The following GNG7 variants were observed in gnomAD, a reference collection of about 807,000 sequenced individuals.
GNG7 encodes guanine nucleotide-binding protein G(I)/G(S)/G(O) subunit gamma-7.
In GNG7, 1 loss-of-function variant was observed where a neutral mutation model predicts 4.0. The observed-to-expected ratio is 0.25, with a 90% CI of 0.09 to 1.18. The LOEUF (loss-of-function observed/expected upper bound fraction) is 1.18. Ranked by LOEUF, GNG7 falls within the 50% of genes most tolerant of loss-of-function variation. The pLI is 0.50. For missense variants in GNG7, 86 were observed against 91.9 expected (o/e 0.94, Z 0.26); for synonymous variants, 34 against 36.9 (o/e 0.92, Z 0.29).
intron 1 of GNG7, among the ~76,000 whole-genome samples, chr19:2,686,315 G>A (rs62121066): frequency 0.19 from 28,592 of 151,694 alleles, 3,715 homozygotes; most frequent in East Asian, 0.59. Context: ...CCGCCACCAC[G>A]CCTGGCTAAT....
rs370524647 is a variant in GNG7 at position 2,548,799 on chromosome 19, C to T, written c.-38+6350G>A. Among the ~76,000 whole-genome samples, 12 of 126,312 alleles carry T rather than the reference C, an allele frequency of 9.5e-5. 1 individual carries two copies. The highest frequency in any genetic ancestry group is 9.1e-4 in the Admixed American group (12 of 13,222). The allele number at this position is 126,312 out of a possible 152,430, so 82.9% of individuals were successfully genotyped here. A position where few individuals can be genotyped will look rare whatever the true frequency, so the allele number is the denominator to read the frequency against. On this transcript the variant is annotated intron_variant, in intron 3 of 4. Transcript: ENST00000382159. ...CGAGACTCTGTCTCAAAAAACAAAA[C>T]ACAACAAAACAAACAAACAAACAGC... is the stretch of plus-strand genomic sequence containing the variant.
At position 2,634,171 on chromosome 19, in the gene GNG7, G is replaced by A. The variant is rs368953867; in HGVS notation, c.-78+12053C>T. Reference sequence around the variant, plus strand: ...GCGTTTATGGTGCCTATCATGAGCAGGAAAATAACTCGAATTTTTTTCCCC... The same window carrying A: ...GCGTTTATGGTGCCTATCATGAGCAAGAAAATAACTCGAATTTTTTTCCCC... On this transcript the variant is annotated intron_variant, in intron 2 of 4. Transcript: ENST00000382159. This position sits in a 1 kb window ranked among gnomAD's most constrained non-coding sequence, Gnocchi z 5.3. Among the ~76,000 whole-genome samples, 1 of 152,152 alleles carries A rather than the reference G, an allele frequency of 6.6e-6. No homozygotes were observed. The highest frequency in any genetic ancestry group is 2.4e-5 in the African/African-American group (1 of 41,422).
intron 1 of GNG7, among the ~76,000 whole-genome samples, chr19:2,675,275 A>G (rs1983566127): frequency 6.6e-6 from 1 of 152,228 alleles, no homozygotes; most frequent in Admixed American, 6.5e-5. Flanking sequence ...ACGACTGGTC[A>G]AACCCTGGAA....
At chr19:2,547,389 G>T (rs1015082877) in intron 3 of GNG7, among the ~76,000 whole-genome samples, 5 of 152,164 alleles carry the variant, frequency 3.3e-5, no homozygotes, top group African/African-American at 1.2e-4. Context: ...GCCTAGAGGT[G>T]CCCGTATCCC....
At chr19:2,622,086 T>TC (rs1459454050) in intron 2 of GNG7, among the ~76,000 whole-genome samples, 3 of 122,816 alleles carry the variant, frequency 2.4e-5, no homozygotes, top group East Asian at 2.0e-4. Context: ...TTTTTTTTTT[T>TC]CTCTCTCTTT....
chr19:2,570,600 G>A (rs955489431), intron 2 of GNG7, among the ~76,000 whole-genome samples: 8 of 152,062 alleles, frequency 5.3e-5, no homozygotes, highest in East Asian at 1.9e-4. Flanking sequence ...CCCTAAGGAC[G>A]CAGCCCCATA....
At chr19:2,599,435 C>A (rs1286173006) in intron 2 of GNG7, among the ~76,000 whole-genome samples, 3 of 152,046 alleles carry the variant, frequency 2.0e-5, no homozygotes, top group African/African-American at 7.2e-5. Context: ...ACCGCCCACC[C>A]GGGTGGGTTT....
rs937798688 is a variant in GNG7 at position 2,546,530 on chromosome 19, C to T, written c.-38+8619G>A. On this transcript the variant is annotated intron_variant, in intron 3 of 4. Coordinates refer to ENST00000382159, the MANE Select transcript of GNG7 (RefSeq NM_052847.3). This position sits in a 1 kb window ranked among gnomAD's most constrained non-coding sequence, Gnocchi z 6.3. ...CCTGTCAGTGTGGGCCCTTTGCTCT[C>T]AGGCTAAATCGGTCCCCGGGGCAGC... Among the ~76,000 whole-genome samples the T allele has an allele frequency of 1.3e-5, 2 of 152,342 alleles. No homozygotes were observed. The highest frequency in any genetic ancestry group is 2.9e-5 in the Non-Finnish European group (2 of 68,034).
In GNG7 at chr19:2,590,031, C is replaced by T. The variant is rs530065762; in HGVS notation, c.-77-34843G>A. Among the ~76,000 whole-genome samples the T allele has an allele frequency of 3.9e-5, 6 of 151,926 alleles. No individual in the cohort carries two copies. In the East Asian group the frequency reaches 5.8e-4, roughly 15 times the overall value. On this transcript the variant is annotated intron_variant, in intron 2 of 4. Transcript: ENST00000382159. ...TTCACCCTGTTGGCCAGGCTGGTCT[C>T]GAACTCCTGACCTCAAGTGATCCAC...
chr19:2,525,636 C>T (rs79088441), intron 3 of GNG7, among the ~76,000 whole-genome samples: 1,554 of 152,216 alleles, frequency 0.01, 29 homozygotes, highest in African/African-American at 0.035. Context: ...CTGGCAGCAC[C>T]GGCAGGGAGG....
At chr19:2,684,292 A>C (rs921489303) in intron 1 of GNG7, among the ~76,000 whole-genome samples, 2 of 151,788 alleles carry the variant, frequency 1.3e-5, no homozygotes, top group Admixed American at 6.6e-5. Context: ...GTCCGCCACC[A>C]CGCCCGGATA....
At chr19:2,623,828 C>A (rs1981942688) in intron 2 of GNG7, among the ~76,000 whole-genome samples, 1 of 152,130 alleles carries the variant, frequency 6.6e-6, no homozygotes, top group African/African-American at 2.4e-5. Context: ...TTGCAGTGAG[C>A]CGAGGTCGCA....
At chr19:2,657,361 A>AAATATATATATAT (rs1555701153) in intron 1 of GNG7, among the ~76,000 whole-genome samples, 1 of 16,340 alleles carries the variant, frequency 6.1e-5, no homozygotes, top group Non-Finnish European at 1.0e-4. Context: ...AAAAAAAAAA[A>AAATATATATATAT]ATATATATAT....
chr19:2,562,587 C>A (rs542835434), intron 2 of GNG7, among the ~76,000 whole-genome samples: 20 of 152,212 alleles, frequency 1.3e-4, no homozygotes, highest in Non-Finnish European at 2.1e-4. Flanking sequence ...TGGGGTGGGG[C>A]CATCCTGGGC....
intron 1 of GNG7, among the ~76,000 whole-genome samples, chr19:2,689,614 C>G (rs759551424): frequency 4.2e-4 from 46 of 110,196 alleles, no homozygotes; most frequent in Non-Finnish European, 6.4e-4. Flanking sequence ...CAGAGTGAGA[C>G]TCCAACTCAA....
intron 2 of GNG7, among the ~76,000 whole-genome samples, chr19:2,605,881 G>T (rs77433196): frequency 0.016 from 2,440 of 152,160 alleles, 82 homozygotes; most frequent in African/African-American, 0.056. Context: ...ATAATCTGCC[G>T]TCTGAAGATC....
At chr19:2,600,735 C>T (rs1376942205) in intron 2 of GNG7, among the ~76,000 whole-genome samples, 1 of 151,942 alleles carries the variant, frequency 6.6e-6, no homozygotes, top group East Asian at 1.9e-4. Flanking sequence ...CTTGACCTCT[C>T]AAAGCGCTGG....
At chr19:2,682,998 C>T (rs567204362) in intron 1 of GNG7, among the ~76,000 whole-genome samples, 49 of 151,940 alleles carry the variant, frequency 3.2e-4, no homozygotes, top group African/African-American at 1.1e-3. Flanking sequence ...TTTGGGAGTC[C>T]GAGGCGGGCA....
chr19:2,568,574 C>T (rs907436909), intron 2 of GNG7, among the ~76,000 whole-genome samples: 6 of 147,050 alleles, frequency 4.1e-5, no homozygotes, highest in African/African-American at 1.5e-4. Context: ...TACACACATA[C>T]ACATGCACAA....
Sources: gnomAD v4.1 joint callset for allele counts (sites outside exome capture counted in the v4.1 genomes callset) on GRCh38, gnomAD v4.1.1 for gene constraint, Gnocchi (gnomAD v3.1) non-coding constraint, MANE v1.5 for transcripts, NCBI Gene and HGNC (gene_info 2026-07-23, HGNC 2026-07-21) for gene names.